MAST4: variants seen among roughly 807,000 people sequenced by gnomAD.
MAST4 encodes the protein microtubule-associated serine/threonine-protein kinase 4.
A neutral mutation model predicts 162.7 loss-of-function variants in MAST4; 89 were observed. That is an observed-to-expected ratio of 0.55 (90% confidence interval 0.46 to 0.65). MAST4 has a LOEUF of 0.65. MAST4 is among the 30% of genes least tolerant of loss of function. The pLI, the probability that MAST4 is intolerant of heterozygous loss-of-function variation, is 0.00. For missense variants in MAST4, 3,153 were observed against 3,374.0 expected, an observed-to-expected ratio of 0.93 and a Z score of 1.62; for synonymous variants, 1,479 against 1,361.1, an observed-to-expected ratio of 1.09 and a Z score of -1.91.
At chr5:66,680,096 T>C (rs1378561686) in intron 1 of MAST4, among the ~76,000 whole-genome samples, 2 of 152,178 alleles carry the variant, frequency 1.3e-5, no homozygotes, top group Non-Finnish European at 1.5e-5. Flanking sequence ...TTTGTTTGGA[T>C]TGGGCCTCTG....
intron 3 of MAST4, among the ~76,000 whole-genome samples, chr5:66,795,019 C>T (rs913803577): frequency 6.6e-6 from 1 of 152,122 alleles, no homozygotes; most frequent in Non-Finnish European, 1.5e-5. Context: ...ATAATGTCAG[C>T]ATTTATTTAG....
At chr5:66,985,930 C>T (rs1317670134) in intron 4 of MAST4, among the ~76,000 whole-genome samples, 3 of 152,216 alleles carry the variant, frequency 2.0e-5, no homozygotes, top group Non-Finnish European at 4.4e-5. Context: ...AAGTCATCTA[C>T]ATGTAGACAG....
At chr5:66,700,743 C>T (rs191114160) in intron 1 of MAST4, among the ~76,000 whole-genome samples, 1 of 150,844 alleles carries the variant, frequency 6.6e-6, no homozygotes, top group East Asian at 1.9e-4. Flanking sequence ...CAAGTCCTTT[C>T]TCTGTATGGA....
intron 19 of MAST4, among the ~76,000 whole-genome samples, chr5:67,138,791 T>TCACC (rs1244343608): frequency 6.6e-6 from 1 of 152,174 alleles, no homozygotes; most frequent in Non-Finnish European, 1.5e-5. Flanking sequence ...TTTCCACTTG[T>TCACC]GGTGTCATAT....
intron 4 of MAST4, among the ~76,000 whole-genome samples, chr5:67,018,741 G>A (rs944394404): frequency 6.6e-6 from 1 of 152,146 alleles, no homozygotes; most frequent in Non-Finnish European, 1.5e-5. Context: ...GTTTTTCTAT[G>A]CAAGTGAAGA....
intron 1 of MAST4, among the ~76,000 whole-genome samples, chr5:66,723,213 T>C (rs1234318052): frequency 6.6e-6 from 1 of 152,194 alleles, no homozygotes; most frequent in Non-Finnish European, 1.5e-5. Flanking sequence ...TGTTAAGGTA[T>C]AAGTTCTTGG....
intron 4 of MAST4, among the ~76,000 whole-genome samples, chr5:67,050,576 G>A (rs886962040): frequency 6.6e-6 from 1 of 152,134 alleles, no homozygotes; most frequent in Non-Finnish European, 1.5e-5. Context: ...TCTCATAGTT[G>A]CCCCTAGGAG....
At chr5:66,712,521 A>T (rs1470287440) in intron 1 of MAST4, among the ~76,000 whole-genome samples, 1 of 152,182 alleles carries the variant, frequency 6.6e-6, no homozygotes, top group Non-Finnish European at 1.5e-5. Flanking sequence ...GAATTACTGG[A>T]CCTTGCTAGG....
At chr5:66,800,782 CAGA>C (rs1214319286) in intron 3 of MAST4, among the ~76,000 whole-genome samples, 1 of 152,186 alleles carries the variant, frequency 6.6e-6, no homozygotes, top group African/African-American at 2.4e-5. Context: ...TTGGATTACA[CAGA>C]AGATTACACA....
At chr5:67,019,763 C>T (rs994559891) in intron 4 of MAST4, among the ~76,000 whole-genome samples, 4 of 152,118 alleles carry the variant, frequency 2.6e-5, no homozygotes, top group Non-Finnish European at 5.9e-5. Flanking sequence ...AATATATGGA[C>T]ATCTAAGTTC....
At chr5:66,600,367 C>G (rs1425487908) in intron 1 of MAST4, among the ~76,000 whole-genome samples, 1 of 152,206 alleles carries the variant, frequency 6.6e-6, no homozygotes, top group Non-Finnish European at 1.5e-5. Flanking sequence ...AAGGACTGTT[C>G]CCCTGACAAC....
chr5:66,680,377 C>G (rs544946027), intron 1 of MAST4, among the ~76,000 whole-genome samples: 2 of 152,316 alleles, frequency 1.3e-5, no homozygotes, highest in African/African-American at 4.8e-5. Context: ...CATTCATTGT[C>G]TTTCCTGACT....
intron 6 of MAST4, chr5:67,093,758 C>A (rs1764122339): frequency 2.6e-6 from 1 of 387,728 alleles, no homozygotes; most frequent in East Asian, 7.5e-5. Flanking sequence ...AAAACAAAAT[C>A]ATGGTGGGGA....
intron 4 of MAST4, among the ~76,000 whole-genome samples, chr5:66,908,689 A>G (rs1192783215): frequency 1.3e-5 from 2 of 152,188 alleles, no homozygotes; most frequent in Non-Finnish European, 2.9e-5. Context: ...ATGCTTATTT[A>G]GAGTGACCCA....
At chr5:67,083,458 G>A (rs923734131) in intron 5 of MAST4, among the ~76,000 whole-genome samples, 8 of 152,022 alleles carry the variant, frequency 5.3e-5, no homozygotes, top group African/African-American at 1.4e-4. Context: ...ATGGATATGT[G>A]TTTCATTTAA....
chr5:66,727,258 A>G (rs1259856281), intron 1 of MAST4, among the ~76,000 whole-genome samples: 1 of 152,206 alleles, frequency 6.6e-6, no homozygotes, highest in Non-Finnish European at 1.5e-5. Context: ...ACTTTCATGA[A>G]ACAATATTTT....
At chr5:66,847,337 C>T (rs1026054702) in intron 3 of MAST4, among the ~76,000 whole-genome samples, 10 of 152,072 alleles carry the variant, frequency 6.6e-5, no homozygotes, top group Non-Finnish European at 1.3e-4. Flanking sequence ...TTGGGAGATA[C>T]AAAACCTTAA....
chr5:67,061,386 TC>T (rs1240301361), intron 5 of MAST4, among the ~76,000 whole-genome samples: 63 of 152,342 alleles, frequency 4.1e-4, no homozygotes, highest in Admixed American at 1.0e-3. Context: ...TTTATTTTTA[TC>T]CTTGGTCCCT....
intron 3 of MAST4, among the ~76,000 whole-genome samples, chr5:66,829,888 A>T (rs1213140654): frequency 6.6e-6 from 1 of 152,156 alleles, no homozygotes; most frequent in African/African-American, 2.4e-5. Context: ...TTTGCAGCTA[A>T]ACAAAAGAGG....
Sources: allele counts gnomAD v4.1 joint callset (sites outside exome capture counted in the v4.1 genomes callset), GRCh38; gene constraint gnomAD v4.1.1; transcripts MANE v1.5; gene names NCBI Gene and HGNC (gene_info 2026-07-23, HGNC 2026-07-21).